PLEKHH1: variants seen among roughly 807,000 people sequenced by gnomAD.
PLEKHH1 encodes the protein pleckstrin homology, MyTH4 and FERM domain containing H1.
A neutral mutation model predicts 160.0 loss-of-function variants in PLEKHH1; 104 were observed. That is an observed-to-expected ratio of 0.65 (90% CI 0.55 to 0.76). The LOEUF is 0.76. PLEKHH1 is among the 30% of genes least tolerant of loss of function. The pLI, the probability that PLEKHH1 is intolerant of heterozygous loss-of-function variation, is 0.00. For synonymous variants in PLEKHH1, 619 were observed against 678.4 expected (o/e 0.91, Z 1.36); for missense variants, 1,427 against 1,724.1 (o/e 0.83, Z 3.05).
intron 1 of PLEKHH1, among the ~76,000 whole-genome samples, chr14:67,539,618 A>T (rs1052325425): frequency 1.3e-5 from 2 of 152,198 alleles, no homozygotes; most frequent in African/African-American, 4.8e-5. Flanking sequence ...GAAAGATCCT[A>T]GAAACGATTT....
In PLEKHH1 at chr14:67,574,012, G is replaced by A. The variant is rs965791225; in HGVS notation, c.1926+125G>A. ...AAAGACTTCAGATCAACATTTGGAC[G>A]TGATCCTAACTTGTGAGTACAAGAA... On this transcript the variant is annotated intron_variant, in intron 13 of 28. Transcript: ENST00000329153. The surrounding 1 kb of genome is among the most constrained non-coding windows in gnomAD (Gnocchi z 4.2). 6.4e-5 allele frequency: 49 copies of A among 761,262 alleles called. No individual in the cohort carries two copies. The highest frequency in any genetic ancestry group is 2.9e-4 in the Middle Eastern group (1 of 3,504). 47.2% of individuals were successfully genotyped at this position (761,262 alleles called of 1,614,324 possible).
Position 67,576,601 on chromosome 14 carries a change from G to GT in PLEKHH1, c.2461+103dup, listed in dbSNP as rs959484547. ...GAAAGCAGTGTTGTACCCTGAAGCT[G>GT]TTTTTAAAACATCTAAGCCACAGAG... On this transcript the variant is annotated intron_variant, in intron 17 of 28. Transcript: ENST00000329153. This position sits in a 1 kb window ranked among gnomAD's most constrained non-coding sequence, Gnocchi z 4.0. The GT allele has an allele frequency of 7.8e-6, 5 of 638,980 alleles. No homozygotes were observed. The African/African-American group carries it at 9.1e-5, about 12-fold the overall frequency. 39.6% of individuals were successfully genotyped at this position (638,980 alleles called of 1,614,324 possible).
rs756325853 is a variant in PLEKHH1 at position 67,557,438 on chromosome 14, G to A, written c.339+20G>A. ...AAGCAGGTAAGGGCTCATGCGCAAG[G>A]GAGCACCATGCCCTCTTCGACATCT... is the stretch of plus-strand genomic sequence containing the variant. On this transcript the variant is annotated intron_variant, in intron 4 of 28. Coordinates refer to ENST00000329153, the MANE Select transcript of PLEKHH1 (RefSeq NM_020715.3). The A allele has an allele frequency of 1.2e-5, 19 of 1,609,080 alleles. No homozygotes were observed. In the South Asian group the frequency reaches 2.0e-4, roughly 17 times the overall value.
chr14:67,560,174 C>T (rs867917936), intron 5 of PLEKHH1, among the ~76,000 whole-genome samples: 2 of 152,128 alleles, frequency 1.3e-5, no homozygotes, highest in African/African-American at 2.4e-5. Context: ...GTTACAGGCA[C>T]GCACCACCAT....
chr14:67,575,006 G>A (rs2035559212), intron 14 of PLEKHH1, among the ~76,000 whole-genome samples: 1 of 152,214 alleles, frequency 6.6e-6, no homozygotes, highest in Non-Finnish European at 1.5e-5. Flanking sequence ...CCCGTGTGCA[G>A]CTTCTGTTCC....
At chr14:67,585,390 A>AAGC in intron 26 of PLEKHH1, 178 bp from the exon 27 acceptor site, 1 of 582,522 alleles carries the variant, frequency 1.7e-6, no homozygotes, top group East Asian at 3.0e-5. Flanking sequence ...CTCCTGTCAC[A>AAGC]AGCAGCCTTG....
chr14:67,579,003 G>T, intron 20 of PLEKHH1, 131 bp from the exon 21 acceptor site: 1 of 670,716 alleles, frequency 1.5e-6, no homozygotes, highest in East Asian at 2.7e-5. Context: ...CCAGACCAGA[G>T]TCTTCAGGGC....
At chr14:67,550,689 T>C (rs1197708819) in intron 2 of PLEKHH1, among the ~76,000 whole-genome samples, 1 of 152,236 alleles carries the variant, frequency 6.6e-6, no homozygotes, top group Non-Finnish European at 1.5e-5. Context: ...CCAGATCTTT[T>C]GATTTTTTAA....
At position 67,585,960 on chromosome 14, in the gene PLEKHH1, A is replaced by G. The variant is rs1211269061; in HGVS notation, c.3796A>G (p.Ile1266Val). ...TGGTTCCTTTCCACAGCAAGTGCAC[A>G]TCACTTACCCCTACTCTTCAGTGAC... ...ILDHNTMQVH[I>V]TYPYSSVTTF... is the part of the protein sequence containing the mutation. The change falls in exon 28 of 29, where the codon ATC becomes GTC. Residue 1266 changes from isoleucine (I) to valine (V), a missense_variant. Physicochemically the swap from Ile to Val is conservative, Grantham distance 29. Coordinates refer to ENST00000329153, the MANE Select transcript of PLEKHH1 (RefSeq NM_020715.3). The G allele has an allele frequency of 1.2e-6, 2 of 1,612,662 alleles. No individual in the cohort carries two copies. Among genetic ancestry groups the G allele is most frequent in the Admixed American group, 1.7e-5 (1 of 59,860 alleles).
At chr14:67,577,045 C>T (rs915417665) in intron 17 of PLEKHH1, among the ~76,000 whole-genome samples, 2 of 152,176 alleles carry the variant, frequency 1.3e-5, no homozygotes, top group Admixed American at 1.3e-4. Context: ...CACACATCCA[C>T]CTGCACTCAG....
intron 5 of PLEKHH1, among the ~76,000 whole-genome samples, chr14:67,560,799 C>T (rs562220746): frequency 3.0e-4 from 43 of 143,206 alleles, no homozygotes; most frequent in African/African-American, 1.1e-3. Flanking sequence ...GGCACAATAT[C>T]GGCTCTCTGC....
At chr14:67,586,993 A>G (rs911859054) in intron 28 of PLEKHH1, 81 bp from the exon 29 acceptor site, 27 of 1,527,774 alleles carry the variant, frequency 1.8e-5, no homozygotes, top group Non-Finnish European at 2.2e-5. Context: ...CCAGGAACTC[A>G]GCATAAGAGC....
chr14:67,572,968 G>A (rs912163994), intron 11 of PLEKHH1, among the ~76,000 whole-genome samples: 26 of 152,092 alleles, frequency 1.7e-4, no homozygotes, highest in Non-Finnish European at 3.5e-4. Flanking sequence ...GCTCAGGGCC[G>A]GCTCTCTCCT....
At chr14:67,561,091 C>T (rs1024954521) in intron 5 of PLEKHH1, among the ~76,000 whole-genome samples, 2 of 152,180 alleles carry the variant, frequency 1.3e-5, no homozygotes, top group African/African-American at 2.4e-5. Context: ...AGGAGGGTAT[C>T]AGCTCATTTG....
At chr14:67,556,778 A>G (rs2034611246) in intron 3 of PLEKHH1, among the ~76,000 whole-genome samples, 1 of 152,226 alleles carries the variant, frequency 6.6e-6, no homozygotes, top group African/African-American at 2.4e-5. Context: ...TCTAGAAATG[A>G]TGCACCATTT....
At chr14:67,557,010 G>A (rs377550217) in intron 3 of PLEKHH1, among the ~76,000 whole-genome samples, 5 of 152,142 alleles carry the variant, frequency 3.3e-5, no homozygotes, top group South Asian at 2.1e-4. Context: ...TCCACTTATC[G>A]TCTCCTCTGC....
chr14:67,567,765 AC>A (rs2035175593), intron 7 of PLEKHH1, among the ~76,000 whole-genome samples: 1 of 151,812 alleles, frequency 6.6e-6, no homozygotes, highest in African/African-American at 2.4e-5. Flanking sequence ...AGCCCATCTG[AC>A]CCCACCAGGT....
At chr14:67,581,312 A>G (rs2035888162) in intron 23 of PLEKHH1, among the ~76,000 whole-genome samples, 1 of 151,986 alleles carries the variant, frequency 6.6e-6, no homozygotes, top group African/African-American at 2.4e-5. Context: ...ACATCTGCCA[A>G]GAAAACAGAC....
intron 2 of PLEKHH1, among the ~76,000 whole-genome samples, chr14:67,550,469 G>A (rs1182247411): frequency 2.0e-5 from 3 of 152,176 alleles, no homozygotes; most frequent in Non-Finnish European, 2.9e-5. Context: ...GATTACAGGC[G>A]TGCACCACCG....
Sources: allele counts gnomAD v4.1 joint callset (sites outside exome capture counted in the v4.1 genomes callset), GRCh38; gene constraint gnomAD v4.1.1; non-coding constraint Gnocchi (gnomAD v3.1); transcripts MANE v1.5; gene names NCBI Gene and HGNC (gene_info 2026-07-23, HGNC 2026-07-21).